TMEM184B: variants seen among roughly 807,000 people sequenced by gnomAD.
TMEM184B encodes the protein putative MAPK-activating protein FM08.
In TMEM184B, 17 loss-of-function variants were observed where a neutral mutation model predicts 41.8. That is an observed-to-expected ratio of 0.41 (90% CI 0.28 to 0.61). The LOEUF is 0.61. Among genes scored for constraint, TMEM184B ranks in the 20% least tolerant of loss-of-function variants. TMEM184B has a pLI of 0.34. For missense variants in TMEM184B, 393 were observed against 557.8 expected, an observed-to-expected ratio of 0.70 and a Z score of 2.98; for synonymous variants, 240 against 229.5, an observed-to-expected ratio of 1.05 and a Z score of -0.41.
intron 1 of TMEM184B, among the ~76,000 whole-genome samples, chr22:38,267,950 C>T (rs986546999): frequency 4.6e-5 from 7 of 152,160 alleles, no homozygotes; most frequent in Non-Finnish European, 1.0e-4. Context: ...GCTTCAGCCA[C>T]CCTAAAACAG....
chr22:38,225,711 C>G lies in TMEM184B; in HGVS notation c.618-118G>C. On this transcript the variant is annotated intron_variant, in intron 6 of 8. Transcript: ENST00000361906. The surrounding 1 kb of genome is among the most constrained non-coding windows in gnomAD (Gnocchi z 4.4). ...GCCCCACACCTCCAGCAGAGCTCAA[C>G]GAGCCACTGAAGGGGTCAGAATGGG... 112 of 1,178,528 alleles carry G rather than the reference C, an allele frequency of 9.5e-5. No individual in the cohort carries two copies. The highest frequency in any genetic ancestry group is 5.3e-5 in the South Asian group (3 of 56,256). 73.0% of individuals were successfully genotyped at this position (1,178,528 alleles called of 1,614,324 possible).
chr22:38,222,821 C>G, intron 8 of TMEM184B: 1 of 589,974 alleles, frequency 1.7e-6, no homozygotes. Context: ...CCCCCCCAGG[C>G]CCCACAGGGC....
chr22:38,239,003 C>G lies in TMEM184B; in HGVS notation c.358+6932G>C, dbSNP rs762665865. On this transcript the variant is annotated intron_variant, in intron 3 of 8. Transcript: ENST00000361906. This position sits in a 1 kb window ranked among gnomAD's most constrained non-coding sequence, Gnocchi z 4.6. ...CCACGCAAACATTCCTAACAAACAG[C>G]AACTGCATAAAGCGACATACGGACA... is the stretch of plus-strand genomic sequence containing the variant. Among the ~76,000 whole-genome samples the G allele has an allele frequency of 6.6e-6, 1 of 152,180 alleles. No homozygotes were observed. The highest frequency in any genetic ancestry group is 2.4e-5 in the African/African-American group (1 of 41,416).
chr22:38,217,348 A>C (rs1390769916), downstream of TMEM184B, among the ~76,000 whole-genome samples: 1 of 59,820 alleles, frequency 1.7e-5, no homozygotes, highest in Non-Finnish European at 2.9e-5. Flanking sequence ...CAACAACAAA[A>C]AAAAAACATG....
At chr22:38,253,903 C>T (rs1314586789) in intron 1 of TMEM184B, among the ~76,000 whole-genome samples, 2 of 152,032 alleles carry the variant, frequency 1.3e-5, no homozygotes. Flanking sequence ...ATGAAGAATG[C>T]TCAAAAAGCT....
At chr22:38,244,790 T>C (rs2091988083) in intron 3 of TMEM184B, among the ~76,000 whole-genome samples, 1 of 152,184 alleles carries the variant, frequency 6.6e-6, no homozygotes, top group East Asian at 1.9e-4. Context: ...CTCCTCTCCA[T>C]TCCTGCTGGC....
rs1312229845 is a variant in TMEM184B, at chr22:38,225,218, A to T, written c.787+206T>A. Among the ~76,000 whole-genome samples, 1 of 152,062 alleles carries T rather than the reference A, an allele frequency of 6.6e-6. No homozygotes were observed. The highest frequency in any genetic ancestry group is 1.5e-5 in the Non-Finnish European group (1 of 67,996). ...TACGCAGGGTCTCCTGGGCCCTCTC[A>T]TCCATGTAGCGGCCCCACCAAAGCT... On this transcript the variant is annotated intron_variant, in intron 7 of 8. Coordinates refer to ENST00000361906, the MANE Select transcript of TMEM184B (RefSeq NM_012264.5). This position sits in a 1 kb window ranked among gnomAD's most constrained non-coding sequence, Gnocchi z 4.4.
chr22:38,244,628 G>T (rs567271774), intron 3 of TMEM184B, among the ~76,000 whole-genome samples: 1 of 152,288 alleles, frequency 6.6e-6, no homozygotes, highest in Non-Finnish European at 1.5e-5. Flanking sequence ...GGATAATTTT[G>T]TATTTTTAGT....
At position 38,253,430 on chromosome 22, in the gene TMEM184B, C is replaced by T. The variant is rs5756994; in HGVS notation, c.-58-5411G>A. Among the ~76,000 whole-genome samples, 14 of 151,784 alleles carry T rather than the reference C, an allele frequency of 9.2e-5. 1 individual carries two copies. The South Asian group carries it at 2.5e-3, about 27-fold the overall frequency. On this transcript the variant is annotated intron_variant, in intron 1 of 8. Transcript: ENST00000361906. ...ACTAAAAATACAAAAATTAGCCAGA[C>T]GTAGTGGCATGTGCCTGTAATCCCC...
At chr22:38,230,149 C>G (rs1298935658) in intron 5 of TMEM184B, among the ~76,000 whole-genome samples, 1 of 132,738 alleles carries the variant, frequency 7.5e-6, no homozygotes, top group Non-Finnish European at 1.6e-5. Flanking sequence ...TACTCTAGAC[C>G]ACAGGGAGGC....
intron 1 of TMEM184B, among the ~76,000 whole-genome samples, chr22:38,256,892 T>C (rs769001050): frequency 3.3e-5 from 5 of 152,132 alleles, no homozygotes; most frequent in African/African-American, 4.8e-5. Flanking sequence ...TCTAGGGTCC[T>C]GTATGCCCTT....
In TMEM184B at chr22:38,225,494, C is replaced by A; in HGVS notation, c.717G>T (p.Leu239=). 6.3e-7 allele frequency: 1 copy of A among 1,595,794 alleles called. No individual in the cohort carries two copies. Among genetic ancestry groups the A allele is most frequent in the Non-Finnish European group, 8.5e-7 (1 of 1,173,818 alleles). The change falls in exon 7 of 9, where the codon CTG becomes CTT. Residue 239 remains leucine (L), a synonymous_variant. Transcript: ENST00000361906. This position sits in a 1 kb window ranked among gnomAD's most constrained non-coding sequence, Gnocchi z 4.4. The stretch of plus-strand genomic sequence containing the variant: ...TGAGGACGGGGCTGTAGGGGCTGAG[C>A]AGCTCCCGGGTGGCGAAGTAGAAGA... ...LFLFYFATRE[L]LSPYSPVLKF...
At chr22:38,266,257 G>A (rs2092442332) in intron 1 of TMEM184B, among the ~76,000 whole-genome samples, 1 of 152,254 alleles carries the variant, frequency 6.6e-6, no homozygotes. Context: ...ACAGGCACAC[G>A]TGCTTCCACG....
chr22:38,253,557 C>G (rs1431391471), intron 1 of TMEM184B, among the ~76,000 whole-genome samples: 4 of 151,994 alleles, frequency 2.6e-5, no homozygotes, highest in Non-Finnish European at 4.4e-5. Context: ...GGCAACAGAG[C>G]AAGACTCCAT....
At chr22:38,224,505 G>A (rs370814628) in intron 8 of TMEM184B, among the ~76,000 whole-genome samples, 4 of 152,210 alleles carry the variant, frequency 2.6e-5, no homozygotes, top group African/African-American at 4.8e-5. Flanking sequence ...AAGCCCGAGG[G>A]AATTTGTCTA....
At chr22:38,248,876 T>G (rs1321326258) in intron 1 of TMEM184B, among the ~76,000 whole-genome samples, 1 of 152,208 alleles carries the variant, frequency 6.6e-6, no homozygotes, top group Non-Finnish European at 1.5e-5. Context: ...TTTCTCCCCC[T>G]TTCCTTAATG....
At position 38,237,533 on chromosome 22, in the gene TMEM184B, G is replaced by A. The variant is rs942474744; in HGVS notation, c.359-6199C>T. Among the ~76,000 whole-genome samples, 3 of 152,240 alleles carry A rather than the reference G, an allele frequency of 2.0e-5. No homozygotes were observed. The East Asian group carries it at 5.8e-4, about 29-fold the overall frequency. ...CCTTCTGCTGCAGAGAAACACTCTGGTTACTTGGAAAGACTGGGGGCATTC... is the reference window on the plus strand; with the variant it reads ...CCTTCTGCTGCAGAGAAACACTCTGATTACTTGGAAAGACTGGGGGCATTC... On this transcript the variant is annotated intron_variant, in intron 3 of 8. Coordinates refer to ENST00000361906, the MANE Select transcript of TMEM184B (RefSeq NM_012264.5).
At chr22:38,241,391 T>C (rs2091902800) in intron 3 of TMEM184B, among the ~76,000 whole-genome samples, 1 of 152,056 alleles carries the variant, frequency 6.6e-6, no homozygotes, top group Admixed American at 6.6e-5. Context: ...AAAAGTTACA[T>C]AAGAAAAGGA....
intron 2 of TMEM184B, chr22:38,246,813 C>A: frequency 1.5e-6 from 2 of 1,290,434 alleles, no homozygotes; most frequent in Non-Finnish European, 2.0e-6. Flanking sequence ...TACCACAGTC[C>A]TCAGTCCAGG....
Sources: gnomAD v4.1 joint callset for allele counts (sites outside exome capture counted in the v4.1 genomes callset) on GRCh38, gnomAD v4.1.1 for gene constraint, Gnocchi (gnomAD v3.1) non-coding constraint, MANE v1.5 for transcripts, NCBI Gene and HGNC (gene_info 2026-07-23, HGNC 2026-07-21) for gene names.